The following SUSD1 variants were observed in gnomAD, a reference collection of about 807,000 sequenced individuals.
The protein encoded by SUSD1 is sushi domain containing 1, also known as sushi domain-containing protein 1.
A neutral mutation model predicts 86.9 loss-of-function variants in SUSD1; 65 were observed. The ratio of observed to expected loss-of-function variants is 0.75; its 90% CI spans 0.61 to 0.92. The LOEUF is 0.92. SUSD1 is among the 40% of genes least tolerant of loss of function. SUSD1 has a pLI of 0.00. For synonymous variants in SUSD1, 346 were observed against 350.0 expected (o/e 0.99, Z 0.13); for missense variants, 850 against 929.7 (o/e 0.91, Z 1.11).
intron 12 of SUSD1, among the ~76,000 whole-genome samples, chr9:112,066,954 C>T (rs111234464): frequency 2.7e-4 from 41 of 152,236 alleles, no homozygotes; most frequent in African/African-American, 9.9e-4. Flanking sequence ...TGGCTCACTG[C>T]AATCTCTGCC....
At chr9:112,042,851 G>C (rs1259000605) in intron 15 of SUSD1, among the ~76,000 whole-genome samples, 1 of 152,100 alleles carries the variant, frequency 6.6e-6, no homozygotes, top group African/African-American at 2.4e-5. Context: ...ATTTCTATTG[G>C]AAACTCAGTA....
At chr9:112,065,460 G>A (rs540922622) in intron 12 of SUSD1, among the ~76,000 whole-genome samples, 94 of 152,320 alleles carry the variant, frequency 6.2e-4, no homozygotes, top group African/African-American at 2.2e-3. Context: ...GGGAGGCAGA[G>A]GTTGCAGTGA....
At chr9:112,143,154 T>C (rs1832656372) in intron 4 of SUSD1, among the ~76,000 whole-genome samples, 1 of 151,464 alleles carries the variant, frequency 6.6e-6, no homozygotes, top group Non-Finnish European at 1.5e-5. Context: ...CTGGCTATTT[T>C]TTTTTATTTT....
Position 112,175,207 on chromosome 9 carries a change from G to C in SUSD1, c.29C>G (p.Pro10Arg), listed in dbSNP as rs1034829143. Residue 10 changes from proline (P) to arginine (R), a missense_variant, in exon 1 of 17, where the codon CCG (proline) becomes CGG (arginine). Transcript: ENST00000374270. The surrounding 1 kb of genome is among the most constrained non-coding windows in gnomAD (Gnocchi z 4.7). ...CAACAGCGGCAGCAGGCGGCGAGAC[G>C]GGCCCGCATCCCAGGGCCCCCGGCC... MGRGPWDAG[P>R]SRRLLPLLLL... 4.3e-6 allele frequency: 5 copies of C among 1,153,982 alleles called. No homozygotes were observed. The highest frequency in any genetic ancestry group is 5.3e-6 in the Non-Finnish European group (5 of 941,114). 71.5% of individuals were successfully genotyped at this position (1,153,982 alleles called of 1,614,324 possible).
At position 112,111,809 on chromosome 9, in the gene SUSD1, A is replaced by G; in HGVS notation, c.1016T>C (p.Met339Thr). Residue 339 changes from methionine to threonine, a missense_variant, in exon 8 of 17, where the codon ATG (methionine) becomes ACG (threonine). By Grantham distance (81) the Met-to-Thr change is moderately conservative. Transcript: ENST00000374270. The stretch of plus-strand genomic sequence containing the variant: ...GACTGTCTCCTCACGAACTGATTCC[A>G]TAGGGTCCAACCGTTGTCCTTTTAT... ...ISIKGQRLDP[M>T]ESVREETVNL... 3 of 1,614,128 alleles carry G rather than the reference A, an allele frequency of 1.9e-6. No homozygotes were observed. Among genetic ancestry groups the G allele is most frequent in the South Asian group, 1.1e-5 (1 of 91,078 alleles).
At chr9:112,172,669 C>T (rs1834095405) in intron 1 of SUSD1, among the ~76,000 whole-genome samples, 1 of 152,194 alleles carries the variant, frequency 6.6e-6, no homozygotes, top group Admixed American at 6.5e-5. Context: ...GCCTTAGTGT[C>T]ATCTTTCCCC....
At chr9:112,082,842 C>T (rs1829826291) in intron 10 of SUSD1, among the ~76,000 whole-genome samples, 1 of 152,114 alleles carries the variant, frequency 6.6e-6, no homozygotes, top group African/African-American at 2.4e-5. Context: ...CTCAGTCTCT[C>T]AAGTAGCTGG....
At chr9:112,043,224 A>C (rs10817257) in intron 15 of SUSD1, among the ~76,000 whole-genome samples, 29,447 of 152,172 alleles carry the variant, frequency 0.19, 3,132 homozygotes, top group Middle Eastern at 0.26. Context: ...AAGCTGCAAG[A>C]TTCTGAACTG....
chr9:112,168,055 T>C (rs1041535559), intron 1 of SUSD1, among the ~76,000 whole-genome samples: 5 of 152,176 alleles, frequency 3.3e-5, no homozygotes, highest in East Asian at 3.8e-4. Context: ...TCACAACACA[T>C]AGGAATTATG....
intron 3 of SUSD1, among the ~76,000 whole-genome samples, chr9:112,144,259 T>C (rs1289767272): frequency 6.7e-6 from 1 of 148,556 alleles, no homozygotes; most frequent in Non-Finnish European, 1.5e-5. Flanking sequence ...AAAAAGAAAA[T>C]CCAATCACTA....
chr9:112,135,376 A>G (rs1406623055), intron 5 of SUSD1, among the ~76,000 whole-genome samples: 1 of 152,204 alleles, frequency 6.6e-6, no homozygotes, highest in African/African-American at 2.4e-5. Flanking sequence ...ACTTATCATC[A>G]ATAAATAGTG....
chr9:112,163,237 C>G (rs936446929), intron 1 of SUSD1, among the ~76,000 whole-genome samples: 1 of 152,042 alleles, frequency 6.6e-6, no homozygotes, highest in Non-Finnish European at 1.5e-5. Context: ...CTCACTGCAG[C>G]CTTGACCTCC....
chr9:112,052,188 T>G, intron 15 of SUSD1: 2 of 1,490,722 alleles, frequency 1.3e-6, no homozygotes, highest in Non-Finnish European at 1.8e-6. Context: ...TCCTGGAGCC[T>G]TCTTGGTGGG....
chr9:112,072,336 A>G (rs971822419), intron 12 of SUSD1, among the ~76,000 whole-genome samples: 1 of 151,590 alleles, frequency 6.6e-6, no homozygotes, highest in Non-Finnish European at 1.5e-5. Context: ...TTTAGTAGAG[A>G]CTGGGTTTCA....
intron 1 of SUSD1, among the ~76,000 whole-genome samples, chr9:112,161,564 T>C (rs1833571181): frequency 6.6e-6 from 1 of 151,598 alleles, no homozygotes; most frequent in African/African-American, 2.4e-5. Context: ...GGCTCATGCC[T>C]GTAATCCCAG....
At chr9:112,173,907 A>G in intron 1 of SUSD1, 1 of 262,814 alleles carries the variant, frequency 3.8e-6, no homozygotes, top group Non-Finnish European at 7.5e-6. Flanking sequence ...TCCGGGTTTC[A>G]TGATGCCGTT....
In SUSD1 at chr9:112,124,433, A is replaced by G; in HGVS notation, c.710T>C (p.Ile237Thr). The change falls in exon 6 of 17, where the codon ATC becomes ACC. Residue 237 changes from isoleucine to threonine, a missense_variant. By Grantham distance (89) the Ile-to-Thr change is moderately conservative. Transcript: ENST00000374270. ...CATTTCTGGAGGGTTGCCACAGTTG[A>G]TCTCTGCAATGGGAACCAAGACAGC... ...WESPKLHCQE[I>T]NCGNPPEMRH... The G allele has an allele frequency of 6.2e-7, 1 of 1,613,758 alleles. No individual in the cohort carries two copies. The highest frequency in any genetic ancestry group is 8.5e-7 in the Non-Finnish European group (1 of 1,179,776).
chr9:112,121,353 A>G (rs1349598006), intron 6 of SUSD1, among the ~76,000 whole-genome samples: 1 of 152,176 alleles, frequency 6.6e-6, no homozygotes, highest in East Asian at 1.9e-4. Context: ...ATCTATCCCA[A>G]GAATGCTTTA....
intron 8 of SUSD1, among the ~76,000 whole-genome samples, chr9:112,111,241 A>C (rs1421813701): frequency 6.6e-6 from 1 of 151,888 alleles, no homozygotes; most frequent in Non-Finnish European, 1.5e-5. Context: ...TGATCTGCCC[A>C]CTTCAGCCTC....
Sources: allele counts gnomAD v4.1 joint callset (sites outside exome capture counted in the v4.1 genomes callset), GRCh38; gene constraint gnomAD v4.1.1; non-coding constraint Gnocchi (gnomAD v3.1); transcripts MANE v1.5; gene names NCBI Gene and HGNC (gene_info 2026-07-23, HGNC 2026-07-21).